The following POT1 variants were observed in gnomAD, a reference collection of about 807,000 sequenced individuals.
POT1 encodes protection of telomeres 1.
In POT1, 47 loss-of-function variants were observed where a neutral mutation model predicts 78.5. The ratio of observed to expected loss-of-function variants is 0.60; its 90% confidence interval spans 0.47 to 0.76. The LOEUF (loss-of-function observed/expected upper bound fraction) is 0.76, where lower values mean the gene tolerates loss of function less well. Among genes scored for constraint, POT1 ranks in the 30% least tolerant of loss-of-function variants. The pLI, the probability that POT1 is intolerant of heterozygous loss-of-function variation, is 0.00. For missense variants in POT1, 646 were observed against 749.9 expected, an observed-to-expected ratio of 0.86 and a Z score of 1.62; for synonymous variants, 259 against 260.7, an observed-to-expected ratio of 0.99 and a Z score of 0.06.
At chr7:124,835,252 A>G (rs2116443405) in intron 15 of POT1, 27 bp downstream of exon 15, 5 of 1,606,556 alleles carry the variant, frequency 3.1e-6, no homozygotes, top group Non-Finnish European at 3.4e-6. Context: ...TAAACAAAAC[A>G]AAACAAAACA....
At chr7:124,881,664 C>T (rs564479192) in intron 6 of POT1, among the ~76,000 whole-genome samples, 2 of 152,034 alleles carry the variant, frequency 1.3e-5, no homozygotes, top group African/African-American at 4.8e-5. Context: ...TTACCAAATA[C>T]ACACGCAAAA....
chr7:124,838,037 T>A (rs1794937434), intron 14 of POT1, among the ~76,000 whole-genome samples: 1 of 152,102 alleles, frequency 6.6e-6, no homozygotes. Context: ...AAACTAGGAA[T>A]ATTGGGGAAC....
At chr7:124,922,641 A>C (rs28844358) in intron 2 of POT1, among the ~76,000 whole-genome samples, 32,767 of 151,926 alleles carry the variant, frequency 0.22, 3,972 homozygotes, top group East Asian at 0.3. Flanking sequence ...CTAAAGGAAC[A>C]AAACGGGTGT....
intron 7 of POT1, among the ~76,000 whole-genome samples, chr7:124,868,510 A>T (rs1039267430): frequency 6.6e-6 from 1 of 152,038 alleles, no homozygotes; most frequent in African/African-American, 2.4e-5. Context: ...TAAAATAGAT[A>T]AGAAATAAAA....
rs1794551288 is a variant in POT1, at chr7:124,823,354, A to C, written c.*608T>G. ...ACACAAATCTATATATATATATATA[A>C]ATGTTTGTATAAAATTGAATATTCA... On this transcript the variant is annotated 3_prime_UTR_variant, in exon 19 of 19. Coordinates refer to ENST00000357628, the MANE Select transcript of POT1 (RefSeq NM_015450.3). 4 of 151,726 alleles carry C rather than the reference A, an allele frequency of 2.6e-5. No individual in the cohort carries two copies. The highest frequency in any genetic ancestry group is 2.6e-4 in the Admixed American group (4 of 15,228). The allele number at this position is 151,726 out of a possible 1,614,324, so 9.4% of individuals were successfully genotyped here. A position where few individuals can be genotyped will look rare whatever the true frequency, so the allele number is the denominator to read the frequency against.
chr7:124,915,206 C>A lies in POT1; in HGVS notation c.-154+368G>T, dbSNP rs554854715. Among the ~76,000 whole-genome samples the A allele has an allele frequency of 9.9e-5, 15 of 152,268 alleles. No individual in the cohort carries two copies. In the East Asian group the frequency reaches 2.9e-3, roughly 29 times the overall value. On this transcript the variant is annotated intron_variant, in intron 3 of 18. Transcript: ENST00000357628. ...GCTGCTCCAGACTGTTCTAACCAAC[C>A]ACAGGCTTCAGATGAGATCTACTTT... is the stretch of plus-strand genomic sequence containing the variant.
At chr7:124,828,339 TAGAC>T (rs1407848387) in intron 16 of POT1, among the ~76,000 whole-genome samples, 1 of 152,148 alleles carries the variant, frequency 6.6e-6, no homozygotes, top group African/African-American at 2.4e-5. Context: ...AATAAGAAAT[TAGAC>T]ATACTGGGTA....
intron 14 of POT1, among the ~76,000 whole-genome samples, chr7:124,838,815 G>T (rs1794957566): frequency 1.3e-5 from 2 of 152,086 alleles, no homozygotes; most frequent in Admixed American, 1.3e-4. Context: ...ATGTTGGTCA[G>T]GCTGGTCTCG....
intron 8 of POT1, 78 bp from the exon 9 acceptor site, chr7:124,859,190 T>A: frequency 9.2e-7 from 1 of 1,088,792 alleles, no homozygotes; most frequent in Non-Finnish European, 1.3e-6. Flanking sequence ...CTGGAAACAG[T>A]ATTTAAAAGT....
chr7:124,899,897 C>A (rs1182276035), intron 3 of POT1, among the ~76,000 whole-genome samples: 1 of 151,922 alleles, frequency 6.6e-6, no homozygotes, highest in Non-Finnish European at 1.5e-5. Flanking sequence ...AGTATGTATG[C>A]ATTTCTTTTA....
intron 3 of POT1, among the ~76,000 whole-genome samples, chr7:124,911,350 G>A (rs900791186): frequency 1.3e-5 from 2 of 152,042 alleles, no homozygotes; most frequent in Non-Finnish European, 2.9e-5. Context: ...GTGCACTCAC[G>A]CTTTTTTCTG....
chr7:124,899,131 C>G (rs1796560503), intron 3 of POT1, among the ~76,000 whole-genome samples: 1 of 152,138 alleles, frequency 6.6e-6, no homozygotes, highest in Non-Finnish European at 1.5e-5. Context: ...ACAGTGTGCT[C>G]TGCACATACA....
intron 11 of POT1, chr7:124,848,682 AAAAG>A: frequency 5.6e-6 from 1 of 179,102 alleles, no homozygotes; most frequent in Non-Finnish European, 1.2e-5. Flanking sequence ...AAAAAAAAAA[AAAAG>A]AGATATGTAG....
intron 11 of POT1, among the ~76,000 whole-genome samples, chr7:124,850,450 G>A (rs964416122): frequency 1.3e-5 from 2 of 152,162 alleles, no homozygotes; most frequent in Non-Finnish European, 2.9e-5. Context: ...TAATGCGGAC[G>A]GGCGCAATGG....
rs1421979867 is a variant in POT1 at position 124,827,201 on chromosome 7, C to T, written c.1686+13G>A. On this transcript the variant is annotated intron_variant, in intron 17 of 18. Coordinates refer to ENST00000357628, the MANE Select transcript of POT1 (RefSeq NM_015450.3). The stretch of plus-strand genomic sequence containing the variant: ...TTTTAATTAAAAATATCTTTATTAC[C>T]TCTGATACTTACAGAATCCATGAGA... The T allele has an allele frequency of 1.4e-6, 2 of 1,390,592 alleles. No homozygotes were observed. The highest frequency in any genetic ancestry group is 2.1e-5 in the Admixed American group (1 of 48,716). 86.1% of individuals were successfully genotyped at this position (1,390,592 alleles called of 1,614,324 possible).
At position 124,863,581 on chromosome 7, in the gene POT1, C is replaced by T. The variant is rs377547236; in HGVS notation, c.315G>A (p.Thr105=). The T allele has an allele frequency of 1.5e-5, 25 of 1,613,632 alleles. No individual in the cohort carries two copies. Among genetic ancestry groups the T allele is most frequent in the South Asian group, 4.4e-5 (4 of 91,078 alleles). The change falls in exon 8 of 19, where the codon ACG becomes ACA. Residue 105 remains threonine (T), a synonymous_variant. Coordinates refer to ENST00000357628, the MANE Select transcript of POT1 (RefSeq NM_015450.3). ...GITSSGFASL[T]FEGTLGAPII... ...TAGGGGCTCCCAAAGTTCCCTCAAA[C>T]GTCAAAGATGCAAAGCCAGAGCTGG...
chr7:124,831,219 A>G (rs1794750986), intron 15 of POT1, among the ~76,000 whole-genome samples: 2 of 152,226 alleles, frequency 1.3e-5, no homozygotes, highest in South Asian at 4.1e-4. Context: ...AATTTTATAC[A>G]TTACTGATGG....
intron 15 of POT1, among the ~76,000 whole-genome samples, chr7:124,834,843 C>T (rs1042678188): frequency 6.6e-6 from 1 of 152,144 alleles, no homozygotes; most frequent in Admixed American, 6.6e-5. Flanking sequence ...TGGAACTATA[C>T]CAAATGTCCA....
At position 124,917,558 on chromosome 7, in the gene POT1, C is replaced by T. The variant is rs577845655; in HGVS notation, c.-226-1912G>A. 8.5e-5 allele frequency among the ~76,000 whole-genome samples: 13 copies of T among 152,270 alleles called. No individual in the cohort carries two copies. The East Asian group carries it at 2.5e-3, about 29-fold the overall frequency. On this transcript the variant is annotated intron_variant, in intron 2 of 18. Transcript: ENST00000357628. ...CTACCCCAGTCTCCACTGTCCTCCA[C>T]AAGACGTACAGCTTTGAACAATAAC...
Sources: allele counts gnomAD v4.1 joint callset (sites outside exome capture counted in the v4.1 genomes callset), GRCh38; gene constraint gnomAD v4.1.1; transcripts MANE v1.5; gene names NCBI Gene and HGNC (gene_info 2026-07-23, HGNC 2026-07-21).